The following PDE1C variants were observed in gnomAD, a reference collection of about 807,000 sequenced individuals.
PDE1C encodes the protein phosphodiesterase 1C.
In PDE1C, 62 loss-of-function variants were observed where a neutral mutation model predicts 93.1. The ratio of observed to expected loss-of-function variants is 0.67; its 90% CI spans 0.54 to 0.82. PDE1C has a LOEUF of 0.82. Among genes scored for constraint, PDE1C ranks in the 40% least tolerant of loss-of-function variants. The probability of loss-of-function intolerance (pLI) is 0.00; values close to 1 mark genes in which losing one functional copy is unlikely to be tolerated. For synonymous variants in PDE1C, 325 were observed against 310.1 expected, an observed-to-expected ratio of 1.05 and a Z score of -0.50; for missense variants, 742 against 884.6, an observed-to-expected ratio of 0.84 and a Z score of 2.04.
At chr7:31,648,218 T>A in the PDE1C span, among the ~76,000 whole-genome samples, 3 of 152,154 alleles carry the variant, frequency 2.0e-5, no homozygotes, top group African/African-American at 4.8e-5. Flanking sequence ...CATTGTCTTT[T>A]GGTGATGGTG....
chr7:32,289,644 C>T (rs1328695355), intron 1 of PDE1C, among the ~76,000 whole-genome samples: 2 of 152,118 alleles, frequency 1.3e-5, no homozygotes, highest in African/African-American at 4.8e-5. Context: ...CAGGAAAGAG[C>T]CCTGTAGTTG....
At chr7:32,051,650 T>G (rs1793392075) in intron 1 of PDE1C, 70 bp from the exon 2 acceptor site, 1 of 1,303,270 alleles carries the variant, frequency 7.7e-7, no homozygotes, top group Admixed American at 1.7e-5. Context: ...AGGGATTACT[T>G]CAGTGGGGAT....
chr7:31,964,045 G>C (rs1205941313), intron 2 of PDE1C, among the ~76,000 whole-genome samples: 1 of 152,210 alleles, frequency 6.6e-6, no homozygotes, highest in Non-Finnish European at 1.5e-5. Context: ...AAAGAAGACG[G>C]GTGATTTCTG....
the PDE1C span, among the ~76,000 whole-genome samples, chr7:31,689,736 G>T: frequency 2.6e-5 from 4 of 152,184 alleles, no homozygotes; most frequent in East Asian, 5.8e-4. Context: ...CCACTTGCTT[G>T]TTCTTTTCTT....
intron 1 of PDE1C, among the ~76,000 whole-genome samples, chr7:32,222,024 G>A (rs538701697): frequency 1.9e-4 from 29 of 152,132 alleles, no homozygotes; most frequent in African/African-American, 7.0e-4. Flanking sequence ...TCCTATCTGA[G>A]ATAGGAAATC....
At chr7:31,732,638 CTGTGTGTGTGTGTGTG>C in the PDE1C span, among the ~76,000 whole-genome samples, 112 of 144,300 alleles carry the variant, frequency 7.8e-4, 1 homozygote, top group Admixed American at 1.3e-3. Context: ...TCCTCTCTTT[CTGTGTGTGTGTGTGTG>C]TGTGTGTGTG....
At chr7:31,815,646 T>TC (rs66681167) in intron 15 of PDE1C, among the ~76,000 whole-genome samples, 28,760 of 152,092 alleles carry the variant, frequency 0.19, 2,870 homozygotes, top group Middle Eastern at 0.34. Flanking sequence ...ATGGTAATTT[T>TC]CCCCCAGCTG....
intron 3 of PDE1C, among the ~76,000 whole-genome samples, chr7:32,093,534 A>C (rs1424512042): frequency 7.2e-5 from 11 of 152,236 alleles, no homozygotes; most frequent in Admixed American, 6.5e-4. Flanking sequence ...TCAACTGCTT[A>C]GAAATGTGGT....
chr7:32,218,127 T>G (rs1434886279), intron 1 of PDE1C, among the ~76,000 whole-genome samples: 1 of 152,148 alleles, frequency 6.6e-6, no homozygotes, highest in Non-Finnish European at 1.5e-5. Context: ...TAGCATCAAG[T>G]CAGAAGCCTG....
chr7:32,084,444 G>A lies in PDE1C; in HGVS notation c.308+85341C>T, dbSNP rs570240221. Among the ~76,000 whole-genome samples the A allele has an allele frequency of 5.4e-5, 8 of 147,790 alleles. No individual in the cohort carries two copies. The East Asian group carries it at 9.9e-4, about 18-fold the overall frequency. On this transcript the variant is annotated intron_variant, in intron 3 of 18. Transcript: ENST00000396193. ...CACTGTCAACATTAGACAGATCAAC[G>A]AGACAGAAAGGTAACAAGCATACCC...
intron 3 of PDE1C, among the ~76,000 whole-genome samples, chr7:32,078,941 A>AG (rs1463655373): frequency 6.6e-6 from 1 of 151,902 alleles, no homozygotes; most frequent in Non-Finnish European, 1.5e-5. Context: ...AAAAAAAAAA[A>AG]GAAAATGCTA....
chr7:32,173,536 A>T (rs566753486), intron 2 of PDE1C, among the ~76,000 whole-genome samples: 1 of 152,312 alleles, frequency 6.6e-6, no homozygotes, highest in East Asian at 1.9e-4. Context: ...ATTAAAAAAA[A>T]AACACTGTCA....
chr7:31,654,140 G>A, the PDE1C span, among the ~76,000 whole-genome samples: 1 of 152,012 alleles, frequency 6.6e-6, no homozygotes, highest in African/African-American at 2.4e-5. Context: ...TGCAAAGGGA[G>A]ATGTGGAGTA....
At chr7:32,338,179 C>T (rs1339917037) in intron 1 of PDE1C, among the ~76,000 whole-genome samples, 2 of 152,108 alleles carry the variant, frequency 1.3e-5, no homozygotes, top group Non-Finnish European at 2.9e-5. Flanking sequence ...AGTGGAAAGA[C>T]AACCAAAGGA....
At chr7:32,268,098 G>A (rs976588454) in intron 1 of PDE1C, among the ~76,000 whole-genome samples, 12 of 152,324 alleles carry the variant, frequency 7.9e-5, no homozygotes, top group African/African-American at 2.9e-4. Flanking sequence ...CACCAGGCCT[G>A]GAACCCAAAT....
chr7:32,276,502 T>C (rs1811297747), intron 1 of PDE1C, among the ~76,000 whole-genome samples: 1 of 152,180 alleles, frequency 6.6e-6, no homozygotes, highest in African/African-American at 2.4e-5. Context: ...AGAGATTGAA[T>C]GGAACCTGAG....
At chr7:32,025,328 C>A (rs1262977704) in intron 2 of PDE1C, among the ~76,000 whole-genome samples, 1 of 152,072 alleles carries the variant, frequency 6.6e-6, no homozygotes, top group Non-Finnish European at 1.5e-5. Context: ...CAGCTTGAAA[C>A]CCAAGGCCAG....
intron 6 of PDE1C, among the ~76,000 whole-genome samples, chr7:31,871,692 TA>T (rs35043161): frequency 0.085 from 12,025 of 141,298 alleles, 569 homozygotes; most frequent in Middle Eastern, 0.16. Flanking sequence ...CTGTTATGGT[TA>T]AAAAAAAAAA....
At chr7:31,951,530 G>A (rs957969612) in intron 2 of PDE1C, among the ~76,000 whole-genome samples, 9 of 152,188 alleles carry the variant, frequency 5.9e-5, no homozygotes, top group African/African-American at 2.2e-4. Context: ...AAGAGAGATG[G>A]TGAAGCTAGT....
Sources: gnomAD v4.1 joint callset for allele counts (sites outside exome capture counted in the v4.1 genomes callset) on GRCh38, gnomAD v4.1.1 for gene constraint, MANE v1.5 for transcripts, NCBI Gene and HGNC (gene_info 2026-07-23, HGNC 2026-07-21) for gene names.